The following DGKE variants were observed in gnomAD, a reference collection of about 807,000 sequenced individuals.
The protein encoded by DGKE is DAG kinase epsilon.
A neutral mutation model predicts 70.0 loss-of-function variants in DGKE; 53 were observed. The ratio of observed to expected loss-of-function variants is 0.76; its 90% CI spans 0.61 to 0.95. The LOEUF (loss-of-function observed/expected upper bound fraction) is 0.95, where lower values mean the gene tolerates loss of function less well. DGKE is among the 40% of genes least tolerant of loss of function. DGKE has a pLI of 0.00. For synonymous variants in DGKE, 291 were observed against 257.0 expected (o/e 1.13, Z -1.27); for missense variants, 655 against 706.9 (o/e 0.93, Z 0.83).
intron 5 of DGKE, 38 bp downstream of exon 5, chr17:56,848,103 A>T (rs763616601): frequency 3.9e-6 from 5 of 1,292,136 alleles, no homozygotes; most frequent in Non-Finnish European, 2.0e-6. Flanking sequence ...AGGACTTCTA[A>T]GATAAATATA....
intron 9 of DGKE, 87 bp from the exon 10 acceptor site, chr17:56,861,704 C>T (rs1489504372): frequency 6.4e-7 from 1 of 1,565,698 alleles, no homozygotes; most frequent in Non-Finnish European, 8.7e-7. Flanking sequence ...TATATAAGCA[C>T]ATTTATGAAA....
At position 56,834,810 on chromosome 17, in the gene DGKE, G is replaced by A; in HGVS notation, c.15G>A (p.Arg5=). The part of the protein sequence containing the change: MEAE[R]RPAPGSPSEG... The stretch of plus-strand genomic sequence containing the variant: ...CCTTGGAGAAGATGGAAGCGGAGAG[G>A]CGGCCGGCGCCGGGCTCGCCCTCCG... Residue 5 remains arginine (R), a synonymous_variant, in exon 2 of 12, where the codon AGG becomes AGA. Coordinates refer to ENST00000284061, the MANE Select transcript of DGKE (RefSeq NM_003647.3). 3 of 1,602,810 alleles carry A rather than the reference G, an allele frequency of 1.9e-6. No individual in the cohort carries two copies. Among genetic ancestry groups the A allele is most frequent in the Non-Finnish European group, 2.6e-6 (3 of 1,175,394 alleles).
chr17:56,862,419 G>C (rs1908352118), intron 11 of DGKE, 168 bp downstream of exon 11: 1 of 859,786 alleles, frequency 1.2e-6, no homozygotes, highest in Non-Finnish European at 1.7e-6. Flanking sequence ...CAGAAACATG[G>C]CTCAAGATCC....
intron 8 of DGKE, 108 bp from the exon 9 acceptor site, chr17:56,858,486 A>C (rs898073870): frequency 4.5e-6 from 4 of 891,406 alleles, no homozygotes; most frequent in Non-Finnish European, 5.0e-6. Context: ...CCATAAGGAG[A>C]ATGTGTGCTT....
rs1345588714 is a variant in DGKE at position 56,862,190 on chromosome 17, G to T, written c.1463G>T (p.Cys488Phe). Reference protein sequence around the residue: ...EVVGVYGSFHCAQIQVKLANP... With the variant: ...EVVGVYGSFHFAQIQVKLANP... ...GTTGGAGTATATGGGTCTTTCCACT[G>T]TGCTCAGATTCAAGTAAAACTGGCT... Residue 488 changes from cysteine to phenylalanine, a missense_variant, in exon 11 of 12, where the codon TGT (cysteine) becomes TTT (phenylalanine). Physicochemically the swap from Cys to Phe is radical, Grantham distance 205 (BLOSUM62 -2). Transcript: ENST00000284061. 6.2e-7 allele frequency: 1 copy of T among 1,614,166 alleles called. No homozygotes were observed. The highest frequency in any genetic ancestry group is 1.1e-5 in the South Asian group (1 of 91,088).
chr17:56,857,068 A>G (rs1009372184), intron 8 of DGKE, among the ~76,000 whole-genome samples: 3 of 152,220 alleles, frequency 2.0e-5, no homozygotes, highest in African/African-American at 7.2e-5. Flanking sequence ...ACTGCACTCC[A>G]ACTTGGGCAA....
intron 1 of DGKE, 25 bp from the exon 2 acceptor site, chr17:56,834,751 TGC>T: frequency 2.6e-6 from 4 of 1,534,152 alleles, no homozygotes; most frequent in Non-Finnish European, 3.5e-6. Context: ...GAGCTCGGGG[TGC>T]ACCGCCTGTT....
chr17:56,850,265 C>G (rs1270968996), intron 7 of DGKE, among the ~76,000 whole-genome samples: 1 of 152,154 alleles, frequency 6.6e-6, no homozygotes, highest in Non-Finnish European at 1.5e-5. Context: ...GCTGGGACCA[C>G]TGGCATGTGC....
In DGKE at chr17:56,834,900, C is replaced by A; in HGVS notation, c.105C>A (p.Phe35Leu). 2 of 1,613,810 alleles carry A rather than the reference C, an allele frequency of 1.2e-6. No homozygotes were observed. The highest frequency in any genetic ancestry group is 3.3e-4 in the Middle Eastern group (2 of 6,042). ...WTLCSVLLPV[F>L]ITFWCSLQRS... The stretch of plus-strand genomic sequence containing the variant: ...TGTGCTCGGTCCTGCTGCCGGTGTT[C>A]ATCACCTTCTGGTGTAGCCTCCAGC... Residue 35 changes from phenylalanine (F) to leucine (L), a missense_variant, in exon 2 of 12, where the codon TTC (phenylalanine) becomes TTA (leucine). Phe to Leu is a conservative substitution (Grantham distance 22). Coordinates refer to ENST00000284061, the MANE Select transcript of DGKE (RefSeq NM_003647.3).
intron 5 of DGKE, among the ~76,000 whole-genome samples, chr17:56,848,314 T>G (rs994416282): frequency 3.3e-5 from 5 of 152,016 alleles, no homozygotes; most frequent in Admixed American, 1.3e-4. Flanking sequence ...TGCGCTACCA[T>G]GCCTGGCTAA....
chr17:56,836,423 T>TGA (rs1315637262), intron 2 of DGKE: 2 of 152,246 alleles, frequency 1.3e-5, no homozygotes, highest in Non-Finnish European at 1.5e-5. Flanking sequence ...CTGGCATCAG[T>TGA]GAGAGCCAAG....
At chr17:56,858,236 A>G (rs986191554) in intron 8 of DGKE, among the ~76,000 whole-genome samples, 2 of 152,214 alleles carry the variant, frequency 1.3e-5, no homozygotes, top group Non-Finnish European at 2.9e-5. Flanking sequence ...AGAACTTTTA[A>G]ACTATTAATA....
intron 2 of DGKE, chr17:56,838,599 T>C (rs973375561): frequency 6.6e-6 from 1 of 152,218 alleles, no homozygotes; most frequent in Non-Finnish European, 1.5e-5. Context: ...TTATGTATAA[T>C]TCAGCTGCCT....
chr17:56,843,991 G>A (rs1314315277), intron 2 of DGKE, 28 bp from the exon 3 acceptor site: 2 of 1,522,554 alleles, frequency 1.3e-6, no homozygotes, highest in Middle Eastern at 1.7e-4. Flanking sequence ...TTTAAAATTA[G>A]TTAATGCTTG....
Position 56,862,354 on chromosome 17 carries a change from T to C in DGKE, c.1524+103T>C, listed in dbSNP as rs9911560. ...ATACTTTTCTTTAAACAGTGGTTTATGGCTCATGCAGCTGGTCACTGTACA... is the reference window on the plus strand; with the variant it reads ...ATACTTTTCTTTAAACAGTGGTTTACGGCTCATGCAGCTGGTCACTGTACA... On this transcript the variant is annotated intron_variant, in intron 11 of 11. Transcript: ENST00000284061. The C allele has an allele frequency of 0.73, 849,627 of 1,162,216 alleles. 312,457 individuals carry two copies. Among genetic ancestry groups the C allele is most frequent in the East Asian group, 0.88 (34,520 of 39,128 alleles). 72.0% of individuals were successfully genotyped at this position (1,162,216 alleles called of 1,614,324 possible).
chr17:56,861,576 A>G (rs1019206722), intron 9 of DGKE, among the ~76,000 whole-genome samples: 5 of 152,218 alleles, frequency 3.3e-5, no homozygotes, highest in Admixed American at 2.6e-4. Context: ...CACGAGGCTC[A>G]ACAAAAAGAA....
At position 56,864,595 on chromosome 17, in the gene DGKE, T is replaced by G. The variant is rs563448447; in HGVS notation, c.*1804T>G. ...GCAGTGAGGATGGCAGAGTTTTGTT[T>G]TTTTTTTTTTTAATGGGCCAATCAT... On this transcript the variant is annotated 3_prime_UTR_variant, in exon 12 of 12. Transcript: ENST00000284061. 1.7e-3 allele frequency: 250 copies of G among 149,194 alleles called. 2 individuals are homozygous for G. Among genetic ancestry groups the G allele is most frequent in the African/African-American group, 5.4e-3 (220 of 40,912 alleles). 9.2% of individuals were successfully genotyped at this position (149,194 alleles called of 1,614,324 possible). A position where few individuals can be genotyped will look rare whatever the true frequency, so the allele number is the denominator to read the frequency against.
At chr17:56,861,559 A>G (rs1908293055) in intron 9 of DGKE, among the ~76,000 whole-genome samples, 1 of 152,226 alleles carries the variant, frequency 6.6e-6, no homozygotes, top group African/African-American at 2.4e-5. Flanking sequence ...GTAAGTCCTG[A>G]AAAAATCACG....
chr17:56,842,275 AT>A (rs1348401017), intron 2 of DGKE, among the ~76,000 whole-genome samples: 6 of 152,134 alleles, frequency 3.9e-5, no homozygotes, highest in Admixed American at 2.0e-4. Flanking sequence ...AATTTTTAAA[AT>A]TTATACAAGT....
Sources: allele counts gnomAD v4.1 joint callset (sites outside exome capture counted in the v4.1 genomes callset), GRCh38; gene constraint gnomAD v4.1.1; transcripts MANE v1.5; gene names NCBI Gene and HGNC (gene_info 2026-07-23, HGNC 2026-07-21).